The following ARHGAP44 variants were observed in gnomAD, a reference collection of about 807,000 sequenced individuals.
The protein encoded by ARHGAP44 is Rho GTPase activating protein 44.
ARHGAP44 carries 43 observed loss-of-function variants against 106.8 expected under a neutral mutation model. That is an observed-to-expected ratio of 0.40 (90% CI 0.32 to 0.52). ARHGAP44 has a LOEUF of 0.52. Among genes scored for constraint, ARHGAP44 ranks in the 20% least tolerant of loss-of-function variants. ARHGAP44 has a pLI of 0.48. For missense variants in ARHGAP44, 866 were observed against 1,050.5 expected, an observed-to-expected ratio of 0.82 and a Z score of 2.43; for synonymous variants, 439 against 410.3, an observed-to-expected ratio of 1.07 and a Z score of -0.85.
intron 1 of ARHGAP44, among the ~76,000 whole-genome samples, chr17:12,812,521 A>G (rs376103633): frequency 6.6e-6 from 1 of 152,244 alleles, no homozygotes; most frequent in Non-Finnish European, 1.5e-5. Flanking sequence ...ACATCTATAG[A>G]TGAATTTTAC....
intron 4 of ARHGAP44, among the ~76,000 whole-genome samples, chr17:12,912,318 C>CAAT (rs79022114): frequency 3.3e-5 from 5 of 151,584 alleles, no homozygotes; most frequent in African/African-American, 1.2e-4. Context: ...ATGAAATTCT[C>CAAT]AGGAGGTTGG....
intron 18 of ARHGAP44, among the ~76,000 whole-genome samples, chr17:12,976,611 T>TC (rs2039689583): frequency 1.7e-5 from 1 of 60,344 alleles, no homozygotes; most frequent in Non-Finnish European, 3.0e-5. Flanking sequence ...AGACTCTGTG[T>TC]CAAAAAAAAA....
chr17:12,900,913 CTTT>C (rs3074723), intron 3 of ARHGAP44, among the ~76,000 whole-genome samples: 8,540 of 103,504 alleles, frequency 0.083, 1,029 homozygotes, highest in African/African-American at 0.28. Flanking sequence ...GAAAGTTTGG[CTTT>C]TTTTTTTTTT....
Position 12,991,442 on chromosome 17 carries a change from A to G in ARHGAP44, c.*1271A>G, listed in dbSNP as rs1265936486. 1 of 167,688 alleles carries G rather than the reference A, an allele frequency of 6.0e-6. No individual in the cohort carries two copies. The highest frequency in any genetic ancestry group is 2.4e-5 in the African/African-American group (1 of 41,882). The allele number at this position is 167,688 out of a possible 1,614,324, so 10.4% of individuals were successfully genotyped here. On this transcript the variant is annotated 3_prime_UTR_variant, in exon 21 of 21. Coordinates refer to ENST00000379672, the MANE Select transcript of ARHGAP44 (RefSeq NM_014859.6). ...AATGCTTAGTTATTTTTCCCAACACAGTGTAAAGTCACCCTCCTCTGAGAG... is the reference window on the plus strand; with the variant it reads ...AATGCTTAGTTATTTTTCCCAACACGGTGTAAAGTCACCCTCCTCTGAGAG...
At chr17:12,810,491 G>T (rs1567625436) in intron 1 of ARHGAP44, among the ~76,000 whole-genome samples, 1 of 152,120 alleles carries the variant, frequency 6.6e-6, no homozygotes, top group Non-Finnish European at 1.5e-5. Flanking sequence ...TGAGGATGAG[G>T]GCTGGTCACC....
At chr17:12,973,273 C>A in intron 16 of ARHGAP44, 29 bp from the exon 17 acceptor site, 1 of 1,600,716 alleles carries the variant, frequency 6.2e-7, no homozygotes, top group Non-Finnish European at 8.5e-7. Flanking sequence ...TTTTTTGAAA[C>A]TAATATCTGT....
chr17:12,879,086 A>G (rs1430984149), intron 1 of ARHGAP44, among the ~76,000 whole-genome samples: 1 of 152,182 alleles, frequency 6.6e-6, no homozygotes, highest in Non-Finnish European at 1.5e-5. Flanking sequence ...CCATCAACCG[A>G]GCAGTGTACA....
intron 19 of ARHGAP44, chr17:12,982,529 A>G (rs977481992): frequency 6.6e-5 from 10 of 152,100 alleles, no homozygotes; most frequent in African/African-American, 2.2e-4. Flanking sequence ...TCTGTCACCC[A>G]TGACCACGTG....
intron 4 of ARHGAP44, among the ~76,000 whole-genome samples, chr17:12,915,357 A>G (rs954366063): frequency 6.6e-6 from 1 of 152,196 alleles, no homozygotes; most frequent in Non-Finnish European, 1.5e-5. Flanking sequence ...TTGAAATAGT[A>G]TATTGTGTCA....
chr17:12,953,269 G>A lies in ARHGAP44; in HGVS notation c.1136+688G>A, dbSNP rs891880275. On this transcript the variant is annotated intron_variant, in intron 13 of 20. Transcript: ENST00000379672. ...CCACCCGAGCTTCCACTTCCGGCGCGCTGCAGATCCTTCTCCACGCCTGGC... is the reference window on the plus strand; with the variant it reads ...CCACCCGAGCTTCCACTTCCGGCGCACTGCAGATCCTTCTCCACGCCTGGC... Among the ~76,000 whole-genome samples, 7 of 152,178 alleles carry A rather than the reference G, an allele frequency of 4.6e-5. No individual in the cohort carries two copies. In the South Asian group the frequency reaches 1.0e-3, roughly 23 times the overall value.
intron 16 of ARHGAP44, among the ~76,000 whole-genome samples, chr17:12,961,958 A>G (rs1434388299): frequency 1.3e-5 from 2 of 152,066 alleles, no homozygotes; most frequent in Admixed American, 6.6e-5. Flanking sequence ...AGTTCTCTAT[A>G]TTGGCCCCAT....
rs532215020 is a variant in ARHGAP44, at chr17:12,800,480, C to T, written c.53+10589C>T. On this transcript the variant is annotated intron_variant, in intron 1 of 20. Coordinates refer to ENST00000379672, the MANE Select transcript of ARHGAP44 (RefSeq NM_014859.6). ...TCTGAGACCCAGGCTGCAGTGGGCT[C>T]GGTTCCACACATGGTGCAGTGATGG... Among the ~76,000 whole-genome samples, 3 of 152,120 alleles carry T rather than the reference C, an allele frequency of 2.0e-5. No individual in the cohort carries two copies. The South Asian group carries it at 6.2e-4, about 32-fold the overall frequency.
intron 1 of ARHGAP44, among the ~76,000 whole-genome samples, chr17:12,885,451 T>C (rs2036855502): frequency 6.6e-6 from 1 of 152,086 alleles, no homozygotes; most frequent in Non-Finnish European, 1.5e-5. Context: ...CTACATCGGC[T>C]GTACCATTTT....
intron 1 of ARHGAP44, among the ~76,000 whole-genome samples, chr17:12,844,936 C>A (rs2035521368): frequency 6.6e-6 from 1 of 152,098 alleles, no homozygotes; most frequent in African/African-American, 2.4e-5. Context: ...TAGCATTTGC[C>A]AAGAATCAAA....
At chr17:12,903,949 T>G (rs1255588179) in intron 3 of ARHGAP44, among the ~76,000 whole-genome samples, 1 of 152,168 alleles carries the variant, frequency 6.6e-6, no homozygotes, top group East Asian at 1.9e-4. Flanking sequence ...TCCCTTCACC[T>G]TAGAGAATCT....
Position 12,811,825 on chromosome 17 carries a change from A to G in ARHGAP44, c.53+21934A>G, listed in dbSNP as rs776627375. The stretch of plus-strand genomic sequence containing the variant: ...CATTCCTCCAGTATCTGCCCCTGTC[A>G]TCATGCGTGTTCTCCCTCTGTATCT... On this transcript the variant is annotated intron_variant, in intron 1 of 20. Coordinates refer to ENST00000379672, the MANE Select transcript of ARHGAP44 (RefSeq NM_014859.6). Among the ~76,000 whole-genome samples, 8 of 152,306 alleles carry G rather than the reference A, an allele frequency of 5.3e-5. No individual in the cohort carries two copies. The South Asian group carries it at 6.2e-4, about 12-fold the overall frequency.
chr17:12,913,830 G>T (rs768106885), intron 4 of ARHGAP44, among the ~76,000 whole-genome samples: 1 of 151,994 alleles, frequency 6.6e-6, no homozygotes, highest in Non-Finnish European at 1.5e-5. Context: ...TTAGCTGGGT[G>T]CAGTGGTGCA....
intron 16 of ARHGAP44, among the ~76,000 whole-genome samples, chr17:12,959,483 G>A (rs1290086594): frequency 3.3e-5 from 5 of 152,134 alleles, no homozygotes; most frequent in African/African-American, 7.2e-5. Context: ...AGTTTGCTCA[G>A]CAACAACCCT....
In ARHGAP44 at chr17:12,867,380, G is replaced by A. The variant is rs888540647; in HGVS notation, c.54-27560G>A. On this transcript the variant is annotated intron_variant, in intron 1 of 20. Transcript: ENST00000379672. ...CCCTGCCCTGCTAGAAATGCCAGGG[G>A]TGGGAGGCATGTAAAGAGTAAGTCC... 6.6e-5 allele frequency among the ~76,000 whole-genome samples: 10 copies of A among 152,104 alleles called. No homozygotes were observed. In the East Asian group the frequency reaches 1.9e-3, roughly 29 times the overall value.
Sources: allele counts gnomAD v4.1 joint callset (sites outside exome capture counted in the v4.1 genomes callset), GRCh38; gene constraint gnomAD v4.1.1; transcripts MANE v1.5; gene names NCBI Gene and HGNC (gene_info 2026-07-23, HGNC 2026-07-21).